The following POC5 variants were observed in gnomAD, a reference collection of about 807,000 sequenced individuals.
POC5 encodes POC5 centriolar protein.
A neutral mutation model predicts 62.9 loss-of-function variants in POC5; 48 were observed. The ratio of observed to expected loss-of-function variants is 0.76; its 90% CI spans 0.61 to 0.97. POC5 has a LOEUF of 0.97. Ranked by LOEUF, POC5 falls within the 50% of genes least tolerant of loss-of-function variation. POC5 has a pLI of 0.00. For synonymous variants in POC5, 236 were observed against 228.2 expected (o/e 1.03, Z -0.31); for missense variants, 696 against 679.5 (o/e 1.02, Z -0.27).
intron 9 of POC5, among the ~76,000 whole-genome samples, chr5:75,687,531 C>T (rs1776146407): frequency 6.6e-6 from 1 of 152,120 alleles, no homozygotes; most frequent in Admixed American, 6.5e-5. Context: ...TGTCATCTTT[C>T]TCATCGATTG....
At chr5:75,708,088 A>C (rs1469608783) in intron 2 of POC5, among the ~76,000 whole-genome samples, 1 of 152,202 alleles carries the variant, frequency 6.6e-6, no homozygotes, top group African/African-American at 2.4e-5. Context: ...GGCTGGGTGC[A>C]GTGACTCATG....
At chr5:75,693,569 T>C (rs937000492) in intron 6 of POC5, among the ~76,000 whole-genome samples, 2 of 152,144 alleles carry the variant, frequency 1.3e-5, no homozygotes, top group African/African-American at 2.4e-5. Flanking sequence ...TTAAAAACCA[T>C]GGGACAGAAT....
At chr5:75,688,303 C>T (rs1214655428) in intron 9 of POC5, among the ~76,000 whole-genome samples, 1 of 152,140 alleles carries the variant, frequency 6.6e-6, no homozygotes, top group Non-Finnish European at 1.5e-5. Context: ...TGTTTTACTG[C>T]ATCCCACAAG....
chr5:75,674,598 C>CT lies in POC5; in HGVS notation c.1585-21dup, dbSNP rs1775583136. 3 of 1,611,818 alleles carry CT rather than the reference C, an allele frequency of 1.9e-6. No homozygotes were observed. Among genetic ancestry groups the CT allele is most frequent in the Admixed American group, 1.7e-5 (1 of 59,844 alleles). ...GGTTTGCTGAAAAGACAAAATTCTG[C>CT]TTTAATAATATCCCAAGATTATGTA... On this transcript the variant is annotated intron_variant, in intron 11 of 11. Coordinates refer to ENST00000428202, the MANE Select transcript of POC5 (RefSeq NM_001099271.2).
At chr5:75,679,909 A>T (rs1424921638) in intron 10 of POC5, among the ~76,000 whole-genome samples, 11 of 152,156 alleles carry the variant, frequency 7.2e-5, no homozygotes, top group Admixed American at 7.2e-4. Context: ...GAAACAGCTA[A>T]CAGAGTTAGG....
intron 5 of POC5, among the ~76,000 whole-genome samples, chr5:75,700,344 C>T (rs1372333839): frequency 9.3e-5 from 14 of 151,312 alleles, no homozygotes; most frequent in African/African-American, 3.4e-4. Flanking sequence ...GTAACCAAAA[C>T]AGCATGGTAC....
intron 5 of POC5, 102 bp downstream of exon 5, chr5:75,702,503 T>G: frequency 1.8e-6 from 2 of 1,141,804 alleles, no homozygotes; most frequent in Non-Finnish European, 2.4e-6. Flanking sequence ...AAACAAAAGA[T>G]TTTTAGAAAG....
At chr5:75,717,058 T>C (rs563033795) in intron 1 of POC5, among the ~76,000 whole-genome samples, 11 of 152,216 alleles carry the variant, frequency 7.2e-5, no homozygotes, top group Admixed American at 1.3e-4. Context: ...TTATTTTTTC[T>C]CAACGTTTTA....
chr5:75,716,697 G>C (rs930616453), intron 1 of POC5, among the ~76,000 whole-genome samples: 1 of 152,188 alleles, frequency 6.6e-6, no homozygotes, highest in Admixed American at 6.5e-5. Flanking sequence ...CAGAAAACAA[G>C]ATCAAAACTT....
chr5:75,707,761 T>C lies in POC5; in HGVS notation c.199A>G (p.Ile67Val). ...ELVPDVRIST[I>V]HDILHSQGNN... ...CCTTGACTATGAAGAATATCATGAA[T>C]TGTAGAAATTCTGACATCTGGCACC... Residue 67 changes from isoleucine (I) to valine (V), a missense_variant, in exon 3 of 12, where the codon ATT becomes GTT. Coordinates refer to ENST00000428202, the MANE Select transcript of POC5 (RefSeq NM_001099271.2). The C allele has an allele frequency of 1.3e-6, 2 of 1,551,272 alleles. No individual in the cohort carries two copies. The highest frequency in any genetic ancestry group is 1.8e-6 in the Non-Finnish European group (2 of 1,142,020).
chr5:75,691,390 T>A (rs1229682143), intron 7 of POC5, among the ~76,000 whole-genome samples: 1 of 152,194 alleles, frequency 6.6e-6, no homozygotes, highest in Non-Finnish European at 1.5e-5. Flanking sequence ...CTGAAACTTT[T>A]TGAGTGTCAG....
At chr5:75,690,167 C>A (rs551133197) in intron 8 of POC5, among the ~76,000 whole-genome samples, 17 of 152,308 alleles carry the variant, frequency 1.1e-4, no homozygotes, top group African/African-American at 4.1e-4. Flanking sequence ...GAGTGAGGCA[C>A]CGCGCCCAAC....
chr5:75,694,532 AT>A (rs1776477146), intron 6 of POC5, 122 bp downstream of exon 6: 1 of 793,398 alleles, frequency 1.3e-6, no homozygotes, highest in Non-Finnish European at 1.9e-6. Context: ...ATGGCTATGA[AT>A]TTTTCTGTCA....
Position 75,677,944 on chromosome 5 carries a change from G to T in POC5, c.1414C>A (p.Pro472Thr). Residue 472 changes from proline (P) to threonine (T), a missense_variant, in exon 11 of 12, where the codon CCA (proline) becomes ACA (threonine). Physicochemically the swap from Pro to Thr is conservative, Grantham distance 38. Transcript: ENST00000428202. Reference sequence around the variant, plus strand: ...TGTTGTGCAGAGGTTACAACTCTTGGCACATACTAAGAAGAAAAAAAAATA... The same window carrying T: ...TGTTGTGCAGAGGTTACAACTCTTGTCACATACTAAGAAGAAAAAAAAATA... ...ATAASEEMYVPRVVTSAQQKA... is the reference protein window; with the variant it reads ...ATAASEEMYVTRVVTSAQQKA... 6.4e-7 allele frequency: 1 copy of T among 1,551,180 alleles called. No homozygotes were observed. The highest frequency in any genetic ancestry group is 8.7e-7 in the Non-Finnish European group (1 of 1,148,898).
In POC5 at chr5:75,677,933, T is replaced by G; in HGVS notation, c.1425A>C (p.Val475=). The G allele has an allele frequency of 1.3e-6, 2 of 1,594,116 alleles. No homozygotes were observed. Among genetic ancestry groups the G allele is most frequent in the South Asian group, 2.3e-5 (2 of 87,944 alleles). The change falls in exon 11 of 12, where the codon GTA becomes GTC. Residue 475 remains valine (V), a synonymous_variant. Transcript: ENST00000428202. ...ASEEMYVPRV[V]TSAQQKAGRT... is the part of the protein sequence containing the mutation. ...TTCCTGCTTTCTGTTGTGCAGAGGT[T>G]ACAACTCTTGGCACATACTAAGAAG...
chr5:75,685,335 C>T lies in POC5; in HGVS notation c.1279G>A (p.Ala427Thr), dbSNP rs1182764315. Residue 427 changes from alanine (A) to threonine (T), a missense_variant, in exon 10 of 12, where the codon GCC (alanine) becomes ACC (threonine). Physicochemically the swap from Ala to Thr is moderately conservative, Grantham distance 58. Coordinates refer to ENST00000428202, the MANE Select transcript of POC5 (RefSeq NM_001099271.2). ...GCTGAGGGAACGGCAGTCGCGCTGGCTCCTCCGACGGCGGCTGGTGGGGAT... is the reference window on the plus strand; with the variant it reads ...GCTGAGGGAACGGCAGTCGCGCTGGTTCCTCCGACGGCGGCTGGTGGGGAT... ...LPSPPAAVGGASATAVPSAAS... is the reference protein window; with the variant it reads ...LPSPPAAVGGTSATAVPSAAS... The T allele has an allele frequency of 6.2e-7, 1 of 1,613,924 alleles. No individual in the cohort carries two copies. The highest frequency in any genetic ancestry group is 8.5e-7 in the Non-Finnish European group (1 of 1,179,920).
intron 2 of POC5, among the ~76,000 whole-genome samples, chr5:75,709,166 A>G (rs1035755928): frequency 6.6e-6 from 1 of 152,224 alleles, no homozygotes; most frequent in African/African-American, 2.4e-5. Flanking sequence ...TACACGCAGT[A>G]AACATTAGGT....
At chr5:75,684,961 G>A (rs944495396) in intron 10 of POC5, among the ~76,000 whole-genome samples, 1 of 151,538 alleles carries the variant, frequency 6.6e-6, no homozygotes, top group African/African-American at 2.4e-5. Flanking sequence ...TCTGTCTACA[G>A]GGTTCACGCC....
chr5:75,712,889 A>G lies in POC5; in HGVS notation c.49T>C (p.Ser17Pro). Residue 17 changes from serine to proline, a missense_variant, in exon 2 of 12, where the codon TCC (serine) becomes CCC (proline). Ser to Pro is a moderately conservative substitution (Grantham distance 74). Transcript: ENST00000428202. ...GAAGAGACAGAACTGCCTCGACTGG[A>G]GTCATTTTGCACAACTGGAAGTGAG... is the stretch of plus-strand genomic sequence containing the variant. ...KYSLPVVQND[S>P]SRGSSVSSNL... 1 of 1,612,704 alleles carries G rather than the reference A, an allele frequency of 6.2e-7. No individual in the cohort carries two copies. The highest frequency in any genetic ancestry group is 8.5e-7 in the Non-Finnish European group (1 of 1,179,316).
Sources: allele counts gnomAD v4.1 joint callset (sites outside exome capture counted in the v4.1 genomes callset), GRCh38; gene constraint gnomAD v4.1.1; transcripts MANE v1.5; gene names NCBI Gene and HGNC (gene_info 2026-07-23, HGNC 2026-07-21).